Variants in RBPMS2 observed in about 807,000 individuals in gnomAD.
The protein encoded by RBPMS2 is RNA-binding protein with multiple splicing 2.
In RBPMS2, 14 loss-of-function variants were observed where a neutral mutation model predicts 25.7. The observed-to-expected ratio is 0.55, with a 90% CI of 0.36 to 0.85. RBPMS2 has a LOEUF of 0.85. Among genes scored for constraint, RBPMS2 ranks in the 40% least tolerant of loss-of-function variants. The probability of loss-of-function intolerance (pLI) is 0.01; values close to 1 mark genes in which losing one functional copy is unlikely to be tolerated. For missense variants in RBPMS2, 252 were observed against 283.4 expected, an observed-to-expected ratio of 0.89 and a Z score of 0.80; for synonymous variants, 127 against 115.6, an observed-to-expected ratio of 1.10 and a Z score of -0.63.
intron 4 of RBPMS2, 45 bp from the exon 5 acceptor site, chr15:64,749,195 C>G (rs543358645): frequency 6.2e-7 from 1 of 1,608,996 alleles, no homozygotes; most frequent in East Asian, 2.2e-5. Context: ...TCCGGGGGAC[C>G]CAGAGTGTTA....
At chr15:64,755,396 G>A (rs1481178073) in intron 1 of RBPMS2, among the ~76,000 whole-genome samples, 1 of 152,140 alleles carries the variant, frequency 6.6e-6, no homozygotes, top group Non-Finnish European at 1.5e-5. Flanking sequence ...ATCACAGCAA[G>A]TGTGATTCCC....
intron 6 of RBPMS2, among the ~76,000 whole-genome samples, chr15:64,747,001 C>T (rs2083623158): frequency 6.6e-6 from 1 of 152,194 alleles, no homozygotes; most frequent in South Asian, 2.1e-4. Context: ...TTCCCTGCTC[C>T]CCGCTCTATT....
intron 1 of RBPMS2, among the ~76,000 whole-genome samples, chr15:64,754,319 AAG>A (rs1260786611): frequency 6.6e-6 from 1 of 151,476 alleles, no homozygotes; most frequent in East Asian, 1.9e-4. Context: ...CTCAGAAAAA[AAG>A]AAAAAAAAGG....
intron 1 of RBPMS2, among the ~76,000 whole-genome samples, chr15:64,771,200 T>C (rs1214178843): frequency 6.6e-6 from 1 of 152,270 alleles, no homozygotes; most frequent in Non-Finnish European, 1.5e-5. Flanking sequence ...TCAAGTTGTA[T>C]ACACTAAATA....
rs762001990 is a variant in RBPMS2, at chr15:64,749,015, T to C, written c.403A>G (p.Ile135Val). 5 of 1,614,154 alleles carry C rather than the reference T, an allele frequency of 3.1e-6. No individual in the cohort carries two copies. Among genetic ancestry groups the C allele is most frequent in the Admixed American group, 3.3e-5 (2 of 60,020 alleles). ...NVHPALGAHF[I>V]ARDPYDLMGA... ...TGCCACTCACAGGGGTCCCGTGCGA[T>C]GAAGTGTGCTCCTAGGGCGGGGTGC... The change falls in exon 5 of 8, where the codon ATC (isoleucine) becomes GTC (valine). Residue 135 changes from isoleucine (I) to valine (V), a missense_variant. Ile to Val is a conservative substitution (Grantham distance 29). Coordinates refer to ENST00000300069, the MANE Select transcript of RBPMS2 (RefSeq NM_194272.3).
chr15:64,775,247 C>A lies in RBPMS2; in HGVS notation c.73G>T (p.Ala25Ser). 1 of 1,317,220 alleles carries A rather than the reference C, an allele frequency of 7.6e-7. No individual in the cohort carries two copies. Among genetic ancestry groups the A allele is most frequent in the African/African-American group, 1.5e-5 (1 of 65,022 alleles). The allele number at this position is 1,317,220 out of a possible 1,614,324, so 81.6% of individuals were successfully genotyped here. The change falls in exon 1 of 8, where the codon GCC (alanine) becomes TCC (serine). Residue 25 changes from alanine (A) to serine (S), a missense_variant. Physicochemically the swap from Ala to Ser is moderately conservative, Grantham distance 99. Transcript: ENST00000300069. ...CACAGACCCACCTCCTCCTCCAGGG[C>A]GCCGCCGGAGCCCGCGCCGGAGCCG... is the stretch of plus-strand genomic sequence containing the variant. ...GTGSGAGSGG[A>S]LEEEVRTLFV... is the part of the protein sequence containing the mutation.
At chr15:64,741,888 G>A (rs970261735) in intron 6 of RBPMS2, among the ~76,000 whole-genome samples, 9 of 152,146 alleles carry the variant, frequency 5.9e-5, no homozygotes, top group Non-Finnish European at 7.3e-5. Context: ...AAACAAGGCC[G>A]GGCGCAGCGG....
At chr15:64,775,021 G>A (rs1451544655) in intron 1 of RBPMS2, among the ~76,000 whole-genome samples, 1 of 150,746 alleles carries the variant, frequency 6.6e-6, no homozygotes, top group Non-Finnish European at 1.5e-5. Flanking sequence ...CCGAGAGGGC[G>A]GGGAGACAAT....
chr15:64,773,872 C>G (rs555385264), intron 1 of RBPMS2, among the ~76,000 whole-genome samples: 55 of 152,360 alleles, frequency 3.6e-4, no homozygotes, highest in African/African-American at 1.3e-3. Context: ...GCAAGATCCC[C>G]AAAGCCAAGG....
chr15:64,758,055 A>G (rs957248909), intron 1 of RBPMS2, among the ~76,000 whole-genome samples: 5 of 152,236 alleles, frequency 3.3e-5, no homozygotes, highest in Admixed American at 1.3e-4. Context: ...GATGACAAGG[A>G]AAGTTCAACC....
chr15:64,744,811 T>G (rs1344968170), intron 6 of RBPMS2, among the ~76,000 whole-genome samples: 4,001 of 106,358 alleles, frequency 0.038, 351 homozygotes, highest in African/African-American at 0.15. Flanking sequence ...TTTTTTTTTT[T>G]TTTTTTTTTT....
intron 6 of RBPMS2, among the ~76,000 whole-genome samples, chr15:64,743,639 CA>C (rs566309147): frequency 0.19 from 4,811 of 25,254 alleles, 136 homozygotes; most frequent in East Asian, 0.5. Flanking sequence ...CAGTTGTGCC[CA>C]GGGGGGGGGG....
chr15:64,763,109 G>A (rs769492761), intron 1 of RBPMS2, among the ~76,000 whole-genome samples: 3 of 152,130 alleles, frequency 2.0e-5, no homozygotes, highest in Admixed American at 6.5e-5. Context: ...TGGGCCCCGC[G>A]CTTAGGCTTG....
chr15:64,749,421 A>G lies in RBPMS2; in HGVS notation c.267+10T>C, dbSNP rs1457553799. On this transcript the variant is annotated intron_variant, in intron 4 of 7. Coordinates refer to ENST00000300069, the MANE Select transcript of RBPMS2 (RefSeq NM_194272.3). ...GTGAGTCAGAGAAGACCTGTTCTCCACCTACTCACGTTCAGCGCATTCTTG... is the reference window on the plus strand; with the variant it reads ...GTGAGTCAGAGAAGACCTGTTCTCCGCCTACTCACGTTCAGCGCATTCTTG... 1.9e-6 allele frequency: 3 copies of G among 1,611,218 alleles called. No homozygotes were observed. The highest frequency in any genetic ancestry group is 2.5e-6 in the Non-Finnish European group (3 of 1,177,976).
intron 1 of RBPMS2, among the ~76,000 whole-genome samples, chr15:64,768,313 G>T (rs2083864087): frequency 6.6e-6 from 1 of 152,130 alleles, no homozygotes; most frequent in Non-Finnish European, 1.5e-5. Flanking sequence ...TTCGAGAGCA[G>T]CCTGGGCAGC....
chr15:64,751,556 C>T lies in RBPMS2; in HGVS notation c.165+5G>A. 2 of 1,613,712 alleles carry T rather than the reference C, an allele frequency of 1.2e-6. No individual in the cohort carries two copies. The highest frequency in any genetic ancestry group is 1.7e-6 in the Non-Finnish European group (2 of 1,179,772). ...TACCCAGGGGGCGGCTGGGTCCTGA[C>T]TCACCTTGAACGGCCGGAAGAGCAA... On this transcript the variant is annotated splice_donor_5th_base_variant and intron_variant, in intron 2 of 7. Transcript: ENST00000300069.
intron 6 of RBPMS2, among the ~76,000 whole-genome samples, chr15:64,742,339 C>G (rs2083570555): frequency 6.6e-6 from 1 of 152,206 alleles, no homozygotes; most frequent in African/African-American, 2.4e-5. Flanking sequence ...TCACAAGCCT[C>G]TAAGTCCAGA....
intron 1 of RBPMS2, among the ~76,000 whole-genome samples, chr15:64,766,393 C>T (rs1040242771): frequency 1.3e-5 from 2 of 152,164 alleles, no homozygotes; most frequent in African/African-American, 4.8e-5. Context: ...TCAGAAGTAA[C>T]CGTACTCTCT....
chr15:64,748,002 TA>T (rs67234466), intron 6 of RBPMS2, among the ~76,000 whole-genome samples: 120,186 of 149,930 alleles, frequency 0.8, 51,783 homozygotes, highest in East Asian at 0.96. Context: ...TTCAGATGAC[TA>T]AAAAAAAAAA....
Sources: allele counts gnomAD v4.1 joint callset (sites outside exome capture counted in the v4.1 genomes callset), GRCh38; gene constraint gnomAD v4.1.1; transcripts MANE v1.5; gene names NCBI Gene and HGNC (gene_info 2026-07-23, HGNC 2026-07-21).